Variants in PDCD10 observed in about 807,000 individuals in gnomAD.
The protein encoded by PDCD10 is programmed cell death 10, also known as programmed cell death protein 10.
In PDCD10, 4 loss-of-function variants were observed where a neutral mutation model predicts 29.2. That is an observed-to-expected ratio of 0.14 (90% CI 0.07 to 0.31). The LOEUF is 0.31. Among genes scored for constraint, PDCD10 ranks in the 10% least tolerant of loss-of-function variants. PDCD10 has a pLI of 1.00. For synonymous variants in PDCD10, 70 were observed against 82.2 expected, an observed-to-expected ratio of 0.85 and a Z score of 0.80; for missense variants, 183 against 257.9, an observed-to-expected ratio of 0.71 and a Z score of 1.99.
In PDCD10 at chr3:167,685,388, T is replaced by A. The variant is rs561677815; in HGVS notation, c.558-999A>T. ...TCCAGCCTGGGCAACATAGCAAGAC[T>A]CTGTCTCCAAAAAAAAAAAAAAAAA... On this transcript the variant is annotated intron_variant, in intron 8 of 8. Coordinates refer to ENST00000392750, the MANE Select transcript of PDCD10 (RefSeq NM_007217.4). Among the ~76,000 whole-genome samples, 229 of 118,210 alleles carry A rather than the reference T, an allele frequency of 1.9e-3. 1 individual carries two copies. The highest frequency in any genetic ancestry group is 8.0e-3 in the African/African-American group (224 of 28,036). The allele number at this position is 118,210 out of a possible 152,430, so 77.6% of individuals were successfully genotyped here. A position where few individuals can be genotyped will look rare whatever the true frequency, so the allele number is the denominator to read the frequency against.
chr3:167,705,225 T>C (rs9854098), intron 3 of PDCD10, among the ~76,000 whole-genome samples: 37,584 of 148,992 alleles, frequency 0.25, 4,925 homozygotes, highest in African/African-American at 0.33. Context: ...CAGAATTTCA[T>C]AATTTCATAA....
At position 167,697,030 on chromosome 3, in the gene PDCD10, T is replaced by C. The variant is rs1293841935; in HGVS notation, c.247A>G (p.Met83Val). The change falls in exon 5 of 9, where the codon ATG becomes GTG. Residue 83 changes from methionine to valine, a missense_variant. By Grantham distance (21) the Met-to-Val change is conservative. Coordinates refer to ENST00000392750, the MANE Select transcript of PDCD10 (RefSeq NM_007217.4). ...TTACCTTCTACATCATCAGCTGCCA[T>C]ACGAAGAAGGGACTCCGTGAAGTTA... The part of the protein sequence containing the change: ...EVNFTESLLR[M>V]AADDVEEYMI... The C allele has an allele frequency of 6.3e-7, 1 of 1,589,014 alleles. No homozygotes were observed. Among genetic ancestry groups the C allele is most frequent in the African/African-American group, 1.3e-5 (1 of 74,456 alleles).
intron 6 of PDCD10, among the ~76,000 whole-genome samples, chr3:167,692,480 A>G (rs1248312110): frequency 6.6e-6 from 1 of 152,232 alleles, no homozygotes; most frequent in Non-Finnish European, 1.5e-5. Context: ...TGGATTTTGG[A>G]GCATTTAGAA....
chr3:167,696,899 G>C, intron 5 of PDCD10, 110 bp downstream of exon 5: 2 of 755,226 alleles, frequency 2.6e-6, no homozygotes, highest in Admixed American at 1.7e-5. Flanking sequence ...AAGTGAAAGG[G>C]AGGGAGGGAA....
Position 167,693,497 on chromosome 3 carries a change from A to C in PDCD10, c.395+2099T>G, listed in dbSNP as rs558071304. 1.2e-4 allele frequency among the ~76,000 whole-genome samples: 19 copies of C among 152,332 alleles called. No individual in the cohort carries two copies. The South Asian group carries it at 3.9e-3, about 32-fold the overall frequency. The stretch of plus-strand genomic sequence containing the variant: ...AATAGCATATACACTATATACTTTA[A>C]TCTTTCACAGCACATTAACAAAGTT... On this transcript the variant is annotated intron_variant, in intron 6 of 8. Coordinates refer to ENST00000392750, the MANE Select transcript of PDCD10 (RefSeq NM_007217.4).
intron 3 of PDCD10, among the ~76,000 whole-genome samples, chr3:167,708,137 C>T (rs1358896467): frequency 6.6e-6 from 1 of 151,994 alleles, no homozygotes; most frequent in East Asian, 1.9e-4. Flanking sequence ...TACTCTGGTC[C>T]ACTTATAAAA....
In PDCD10 at chr3:167,687,264, T is replaced by A; in HGVS notation, c.527A>T (p.Asp176Val). Residue 176 changes from aspartate (D) to valine (V), a missense_variant, in exon 8 of 9, where the codon GAT becomes GTT. Physicochemically the swap from Asp to Val is radical, Grantham distance 152. Coordinates refer to ENST00000392750, the MANE Select transcript of PDCD10 (RefSeq NM_007217.4). The part of the protein sequence containing the change: ...EFVKYSKSFS[D>V]TLKTYFKDGK... ...ATCTTTAAAATACGTTTTCAGAGTA[T>A]CACTGAAACTTTTGGAGTACTTTAC... 1 of 1,576,694 alleles carries A rather than the reference T, an allele frequency of 6.3e-7. No homozygotes were observed.
At chr3:167,719,822 T>C (rs1723392829) in intron 3 of PDCD10, among the ~76,000 whole-genome samples, 1 of 152,116 alleles carries the variant, frequency 6.6e-6, no homozygotes, top group African/African-American at 2.4e-5. Context: ...TGTTCATTCA[T>C]ATAATTATTT....
At chr3:167,687,038 A>G (rs1381593688) in intron 8 of PDCD10, among the ~76,000 whole-genome samples, 196 bp downstream of exon 8, 1 of 152,184 alleles carries the variant, frequency 6.6e-6, no homozygotes, top group African/African-American at 2.4e-5. Context: ...AAAGCGTCTG[A>G]TAACTCCTGT....
Position 167,684,262 on chromosome 3 carries a change from G to A in PDCD10, c.*46C>T. Reference sequence around the variant, plus strand: ...ACTTTAAAATTTACAGATAAAGGCAGTTCAATACTGCCACTGAGAAGTACA... The same window carrying A: ...ACTTTAAAATTTACAGATAAAGGCAATTCAATACTGCCACTGAGAAGTACA... On this transcript the variant is annotated 3_prime_UTR_variant, in exon 9 of 9. Transcript: ENST00000392750. 1 of 1,046,732 alleles carries A rather than the reference G, an allele frequency of 9.6e-7. No individual in the cohort carries two copies. The highest frequency in any genetic ancestry group is 1.5e-6 in the Non-Finnish European group (1 of 663,346). 64.8% of individuals were successfully genotyped at this position (1,046,732 alleles called of 1,614,324 possible). A position where few individuals can be genotyped will look rare whatever the true frequency, so the allele number is the denominator to read the frequency against.
intron 6 of PDCD10, among the ~76,000 whole-genome samples, chr3:167,690,587 A>G (rs982082971): frequency 6.6e-5 from 10 of 152,218 alleles, no homozygotes; most frequent in African/African-American, 2.4e-4. Flanking sequence ...ATACAAATTA[A>G]TTTTATAACA....
intron 2 of PDCD10, chr3:167,730,990 CAA>C (rs1724743633): frequency 6.6e-6 from 1 of 151,728 alleles, no homozygotes; most frequent in South Asian, 2.1e-4. Flanking sequence ...AGAAACAAAA[CAA>C]AAAAGCAAAG....
intron 2 of PDCD10, among the ~76,000 whole-genome samples, chr3:167,724,883 G>T (rs1723931995): frequency 6.6e-6 from 1 of 152,046 alleles, no homozygotes; most frequent in South Asian, 2.1e-4. Context: ...AATTAAGGAG[G>T]TCCTCCCCAA....
At chr3:167,698,794 T>C (rs1577334620) in intron 4 of PDCD10, among the ~76,000 whole-genome samples, 1 of 152,168 alleles carries the variant, frequency 6.6e-6, no homozygotes, top group East Asian at 1.9e-4. Flanking sequence ...TATCTCTGAT[T>C]AAGTTATAAT....
intron 3 of PDCD10, 71 bp downstream of exon 3, chr3:167,719,991 A>G (rs1301609908): frequency 3.0e-6 from 3 of 1,010,798 alleles, no homozygotes; most frequent in East Asian, 4.8e-5. Flanking sequence ...CAAAAGAACA[A>G]GCAGACGAAT....
At chr3:167,732,770 C>T (rs534862212) in intron 2 of PDCD10, among the ~76,000 whole-genome samples, 1 of 152,278 alleles carries the variant, frequency 6.6e-6, no homozygotes, top group South Asian at 2.1e-4. Flanking sequence ...TTCATACCTC[C>T]TTCAACAAAA....
Position 167,722,405 on chromosome 3 carries a change from A to C in PDCD10, c.-116-2132T>G, listed in dbSNP as rs147072468. ...AACTGTGGTGCGCACAAAAGGGAGA[A>C]GTCAGGCTGCTATATCGCTACAGGA... On this transcript the variant is annotated intron_variant, in intron 2 of 8. Coordinates refer to ENST00000392750, the MANE Select transcript of PDCD10 (RefSeq NM_007217.4). 2.8e-4 allele frequency among the ~76,000 whole-genome samples: 42 copies of C among 152,336 alleles called. No homozygotes were observed. Among genetic ancestry groups the C allele is most frequent in the Non-Finnish European group, 4.7e-4 (32 of 68,030 alleles).
intron 4 of PDCD10, among the ~76,000 whole-genome samples, chr3:167,700,038 C>T (rs925240945): frequency 1.4e-4 from 21 of 152,006 alleles, no homozygotes; most frequent in African/African-American, 3.4e-4. Context: ...AAAACTCACA[C>T]GCAAACAGAC....
chr3:167,691,566 C>G (rs1008387721), intron 6 of PDCD10, among the ~76,000 whole-genome samples: 3 of 152,134 alleles, frequency 2.0e-5, no homozygotes, highest in African/African-American at 7.2e-5. Context: ...GACGGTTTAG[C>G]AGAGATGTCT....
Sources: gnomAD v4.1 joint callset for allele counts (sites outside exome capture counted in the v4.1 genomes callset) on GRCh38, gnomAD v4.1.1 for gene constraint, MANE v1.5 for transcripts, NCBI Gene and HGNC (gene_info 2026-07-23, HGNC 2026-07-21) for gene names.